TMEM132D: variants seen among roughly 807,000 people sequenced by gnomAD.
The protein encoded by TMEM132D is mature OL transmembrane protein.
A neutral mutation model predicts 62.3 loss-of-function variants in TMEM132D; 21 were observed. The observed-to-expected ratio is 0.34, with a 90% CI of 0.24 to 0.49. The LOEUF is 0.49. TMEM132D is among the 20% of genes least tolerant of loss of function. The pLI is 0.99. For missense variants in TMEM132D, 1,346 were observed against 1,402.8 expected, an observed-to-expected ratio of 0.96 and a Z score of 0.65; for synonymous variants, 621 against 575.6, an observed-to-expected ratio of 1.08 and a Z score of -1.13.
intron 5 of TMEM132D, among the ~76,000 whole-genome samples, chr12:129,203,229 C>T (rs746397445): frequency 6.6e-6 from 1 of 152,188 alleles, no homozygotes; most frequent in Non-Finnish European, 1.5e-5. Flanking sequence ...TTTCTGTGGT[C>T]CACTTTCCTT....
chr12:129,357,406 G>A, intron 3 of TMEM132D, among the ~76,000 whole-genome samples: 1 of 146,182 alleles, frequency 6.8e-6, no homozygotes, highest in East Asian at 2.0e-4. Flanking sequence ...AACGAAGGAA[G>A]GAAGGAAGGA....
chr12:129,816,787 G>A (rs1221977418), intron 1 of TMEM132D, among the ~76,000 whole-genome samples: 1 of 152,188 alleles, frequency 6.6e-6, no homozygotes, highest in Non-Finnish European at 1.5e-5. Context: ...CTGATATGAG[G>A]ACTTTGATTA....
At chr12:129,650,403 A>G (rs1879896685) in intron 2 of TMEM132D, among the ~76,000 whole-genome samples, 1 of 152,324 alleles carries the variant, frequency 6.6e-6, no homozygotes, top group African/African-American at 2.4e-5. Context: ...ATTAAAAACA[A>G]TGGTGTTTTG....
rs761255766 is a variant in TMEM132D at position 129,074,753 on chromosome 12, C to G, written c.2422G>C (p.Asp808His). The change falls in exon 9 of 9, where the codon GAC (aspartate) becomes CAC (histidine). Residue 808 changes from aspartate to histidine, a missense_variant. Transcript: ENST00000422113. ...GQNDANPNTS[D>H]SRHTGAGVHM... ...ACCCCTGCCCCTGTGTGTCTGCTGT[C>G]ACTGGTGTTGGGGTTAGCATCGTTT... 6.2e-7 allele frequency: 1 copy of G among 1,614,186 alleles called. No homozygotes were observed. The highest frequency in any genetic ancestry group is 8.5e-7 in the Non-Finnish European group (1 of 1,180,040).
At chr12:129,118,557 C>A (rs960095526) in intron 5 of TMEM132D, among the ~76,000 whole-genome samples, 19 of 152,194 alleles carry the variant, frequency 1.2e-4, no homozygotes, top group Non-Finnish European at 2.2e-4. Flanking sequence ...TTCTACAATG[C>A]CTACATTTAG....
chr12:129,623,706 TAC>T (rs1466890756), intron 2 of TMEM132D, among the ~76,000 whole-genome samples: 3 of 144,060 alleles, frequency 2.1e-5, no homozygotes, highest in African/African-American at 5.4e-5. Context: ...TATATATACA[TAC>T]ATATGCATAT....
At chr12:129,657,663 CCTTT>C (rs1206852242) in intron 2 of TMEM132D, among the ~76,000 whole-genome samples, 5 of 152,176 alleles carry the variant, frequency 3.3e-5, no homozygotes, top group African/African-American at 9.7e-5. Context: ...GGGCCATTTG[CCTTT>C]CTCTCATTTG....
At chr12:129,799,837 C>G (rs1461063870) in intron 1 of TMEM132D, among the ~76,000 whole-genome samples, 1 of 152,158 alleles carries the variant, frequency 6.6e-6, no homozygotes, top group Non-Finnish European at 1.5e-5. Context: ...GGCTTGTCCT[C>G]TGAAGATCTC....
chr12:129,077,502 AC>A lies in TMEM132D; in HGVS notation c.2115+1031del, dbSNP rs149043350. The stretch of plus-strand genomic sequence containing the variant: ...TTACTACATTCAAAGGTCCCCTATA[AC>A]AGTCCCCTTTGTAAGCCATTGTATC... On this transcript the variant is annotated intron_variant, in intron 8 of 8. Transcript: ENST00000422113. 7.2e-3 allele frequency among the ~76,000 whole-genome samples: 1,102 copies of A among 152,168 alleles called. 12 individuals are homozygous for A. The highest frequency in any genetic ancestry group is 0.024 in the African/African-American group (1,016 of 41,542).
chr12:129,806,850 A>G (rs1872004128), intron 1 of TMEM132D, among the ~76,000 whole-genome samples: 1 of 151,958 alleles, frequency 6.6e-6, no homozygotes, highest in South Asian at 2.1e-4. Context: ...ATATAGTGAG[A>G]CCCCAACTCT....
chr12:129,841,186 A>G (rs888592356), intron 1 of TMEM132D, among the ~76,000 whole-genome samples: 2 of 152,192 alleles, frequency 1.3e-5, no homozygotes, highest in African/African-American at 4.8e-5. Context: ...TAAAGCCTCA[A>G]CAATGGAGTT....
intron 5 of TMEM132D, among the ~76,000 whole-genome samples, chr12:129,134,190 GTGTGTGTGTC>G (rs1198752818): frequency 6.6e-6 from 1 of 151,306 alleles, no homozygotes; most frequent in East Asian, 1.9e-4. Context: ...CTGTGTGTCT[GTGTGTGTGTC>G]TGTGTGTGTG....
intron 3 of TMEM132D, among the ~76,000 whole-genome samples, chr12:129,481,387 T>C (rs1395175943): frequency 2.0e-5 from 3 of 148,158 alleles, no homozygotes; most frequent in African/African-American, 7.5e-5. Flanking sequence ...CACTTGAGCC[T>C]GGGAGGTTGA....
At chr12:129,726,913 G>A (rs1305440623) in intron 1 of TMEM132D, among the ~76,000 whole-genome samples, 1 of 152,150 alleles carries the variant, frequency 6.6e-6, no homozygotes, top group African/African-American at 2.4e-5. Flanking sequence ...GTGAGCTATA[G>A]CAGGGATACT....
chr12:129,592,510 A>G (rs1358316222), intron 2 of TMEM132D, among the ~76,000 whole-genome samples: 1 of 152,252 alleles, frequency 6.6e-6, no homozygotes, highest in Non-Finnish European at 1.5e-5. Context: ...GTGTACACAC[A>G]TACAATATGA....
At chr12:129,231,571 A>T (rs368998475) in intron 4 of TMEM132D, among the ~76,000 whole-genome samples, 2 of 152,286 alleles carry the variant, frequency 1.3e-5, no homozygotes, top group African/African-American at 4.8e-5. Flanking sequence ...CCACTTTGTG[A>T]TACATCATTA....
At chr12:129,571,133 G>C (rs1031442386) in intron 2 of TMEM132D, among the ~76,000 whole-genome samples, 1 of 152,222 alleles carries the variant, frequency 6.6e-6, no homozygotes, top group Admixed American at 6.5e-5. Context: ...TGTAGCCAAA[G>C]GGAAGTTGTC....
chr12:129,086,106 GTACATC>G (rs1014402422), intron 5 of TMEM132D: 1 of 152,192 alleles, frequency 6.6e-6, no homozygotes, highest in African/African-American at 2.4e-5. Context: ...ACTCTAGGCT[GTACATC>G]TACAACATGA....
At chr12:129,423,432 G>A (rs368583004) in intron 3 of TMEM132D, among the ~76,000 whole-genome samples, 2 of 152,202 alleles carry the variant, frequency 1.3e-5, no homozygotes, top group African/African-American at 4.8e-5. Flanking sequence ...CACGCTCACT[G>A]GGGATCTGGT....
Sources: gnomAD v4.1 joint callset for allele counts (sites outside exome capture counted in the v4.1 genomes callset) on GRCh38, gnomAD v4.1.1 for gene constraint, MANE v1.5 for transcripts, NCBI Gene and HGNC (gene_info 2026-07-23, HGNC 2026-07-21) for gene names.